LYRM1: variants seen among roughly 807,000 people sequenced by gnomAD.
The protein encoded by LYRM1 is LYR motif-containing protein 1.
Under a neutral mutation model 14.9 loss-of-function variants are expected in LYRM1, and 14 were observed. The observed-to-expected ratio is 0.94, with a 90% CI of 0.62 to 1.47. LYRM1 has a LOEUF of 1.47. Ranked by LOEUF, LYRM1 falls within the 40% of genes most tolerant of loss-of-function variation. The pLI is 0.00. For missense variants in LYRM1, 153 were observed against 149.9 expected (o/e 1.02, Z -0.11); for synonymous variants, 43 against 56.2 (o/e 0.77, Z 1.05).
At chr16:20,912,589 T>C (rs2082650648) in intron 1 of LYRM1, among the ~76,000 whole-genome samples, 1 of 152,102 alleles carries the variant, frequency 6.6e-6, no homozygotes, top group African/African-American at 2.4e-5. Context: ...ATAATTTTTT[T>C]TAAAAAGGAA....
chr16:20,918,177 A>T (rs1482416966), intron 2 of LYRM1, among the ~76,000 whole-genome samples: 1 of 152,170 alleles, frequency 6.6e-6, no homozygotes, highest in Non-Finnish European at 1.5e-5. Flanking sequence ...AGTTGAAGGC[A>T]CTGTCCAGCC....
At chr16:20,909,259 C>T (rs1328035389) in intron 1 of LYRM1, among the ~76,000 whole-genome samples, 4 of 152,130 alleles carry the variant, frequency 2.6e-5, no homozygotes, top group Admixed American at 6.5e-5. Context: ...TATAACAGGG[C>T]GTGATTTTTA....
chr16:20,923,975 T>C, intron 3 of LYRM1, 25 bp from the exon 4 acceptor site: 1 of 1,252,494 alleles, frequency 8.0e-7, no homozygotes, highest in Non-Finnish European at 1.2e-6. Flanking sequence ...TGAATATGAT[T>C]CTTCATATTA....
At chr16:20,905,542 G>T (rs1444727476) in intron 1 of LYRM1, among the ~76,000 whole-genome samples, 1 of 152,156 alleles carries the variant, frequency 6.6e-6, no homozygotes, top group Non-Finnish European at 1.5e-5. Flanking sequence ...CCAAATGATA[G>T]TTTTAAGTCA....
At chr16:20,902,289 T>A (rs759967627) in intron 1 of LYRM1, among the ~76,000 whole-genome samples, 1 of 152,236 alleles carries the variant, frequency 6.6e-6, no homozygotes, top group Non-Finnish European at 1.5e-5. Context: ...TCGAAAGTTC[T>A]CTTTTGAACA....
At chr16:20,912,623 T>C (rs932787447) in intron 1 of LYRM1, among the ~76,000 whole-genome samples, 1 of 151,940 alleles carries the variant, frequency 6.6e-6, no homozygotes, top group Admixed American at 6.6e-5. Context: ...ATCAGCAAAA[T>C]AGATAGTACA....
chr16:20,907,472 C>T (rs2082380850), intron 1 of LYRM1, among the ~76,000 whole-genome samples: 1 of 152,154 alleles, frequency 6.6e-6, no homozygotes, highest in African/African-American at 2.4e-5. Context: ...GGGATCCTCC[C>T]ACCTCAGCCT....
At chr16:20,902,280 C>G (rs906094909) in intron 1 of LYRM1, among the ~76,000 whole-genome samples, 1 of 152,100 alleles carries the variant, frequency 6.6e-6, no homozygotes. Context: ...AAAGGAATAT[C>G]GAAAGTTCTC....
At chr16:20,909,728 G>A (rs2082495048) in intron 1 of LYRM1, among the ~76,000 whole-genome samples, 1 of 152,060 alleles carries the variant, frequency 6.6e-6, no homozygotes, top group Admixed American at 6.6e-5. Flanking sequence ...AATATAAAAA[G>A]GAAAAGAGCT....
intron 1 of LYRM1, among the ~76,000 whole-genome samples, chr16:20,910,752 T>C (rs763842952): frequency 4.6e-5 from 7 of 151,786 alleles, no homozygotes; most frequent in Non-Finnish European, 1.0e-4. Context: ...CCAGCCTGGG[T>C]GACAGAGCGA....
Position 20,915,541 on chromosome 16 carries a change from T to C in LYRM1, c.1-15T>C. 1 of 1,609,942 alleles carries C rather than the reference T, an allele frequency of 6.2e-7. No individual in the cohort carries two copies. Among genetic ancestry groups the C allele is most frequent in the Non-Finnish European group, 8.5e-7 (1 of 1,177,526 alleles). ...TTATGCAAATTTTCCCTCTTCTATT[T>C]TGGTGGGTCTGAAGATGACAACGGC... On this transcript the variant is annotated splice_polypyrimidine_tract_variant and intron_variant, in intron 1 of 3. Coordinates refer to ENST00000567954, the MANE Select transcript of LYRM1 (RefSeq NM_001128302.3).
At chr16:20,910,090 G>C (rs1054073947) in intron 1 of LYRM1, among the ~76,000 whole-genome samples, 1 of 152,202 alleles carries the variant, frequency 6.6e-6, no homozygotes, top group Non-Finnish European at 1.5e-5. Flanking sequence ...CGGCAGGATG[G>C]ATAGGGTTGG....
chr16:20,911,999 A>G (rs970984425), intron 1 of LYRM1, among the ~76,000 whole-genome samples: 3 of 150,136 alleles, frequency 2.0e-5, no homozygotes, highest in African/African-American at 7.4e-5. Flanking sequence ...CTTGGCTTGT[A>G]GTGCAATCTC....
intron 3 of LYRM1, chr16:20,921,568 T>G (rs1486628373): frequency 2.6e-5 from 4 of 151,628 alleles, no homozygotes; most frequent in African/African-American, 9.7e-5. Context: ...CCCAGCTAAT[T>G]TTTTGTATTT....
At chr16:20,906,655 C>A (rs2082335199) in intron 1 of LYRM1, among the ~76,000 whole-genome samples, 1 of 152,162 alleles carries the variant, frequency 6.6e-6, no homozygotes, top group Non-Finnish European at 1.5e-5. Flanking sequence ...TTGGACATTC[C>A]TGAGACCAGA....
At chr16:20,920,419 A>G (rs1194259251) in intron 3 of LYRM1, 2 of 534,250 alleles carry the variant, frequency 3.7e-6, no homozygotes, top group Non-Finnish European at 6.7e-6. Context: ...TCCTGCTTAC[A>G]TAGCTTTCCA....
rs542249994 is a variant in LYRM1, at chr16:20,919,103, CT to C, written c.160-1014del. Among the ~76,000 whole-genome samples the C allele has an allele frequency of 4.5e-3, 687 of 152,292 alleles. 5 individuals are homozygous for C. Among genetic ancestry groups the C allele is most frequent in the African/African-American group, 0.016 (658 of 41,554 alleles). On this transcript the variant is annotated intron_variant, in intron 2 of 3. Transcript: ENST00000567954. ...TACCTCATAATGAAAGAGTTTCTCC[CT>C]TTTTCCTACTTGGCTGTTTTTCAGA...
At chr16:20,914,762 T>C (rs1202091415) in intron 1 of LYRM1, among the ~76,000 whole-genome samples, 1 of 152,184 alleles carries the variant, frequency 6.6e-6, no homozygotes, top group Non-Finnish European at 1.5e-5. Flanking sequence ...ACTGTTCCCT[T>C]TCAAGGGGGC....
At chr16:20,911,499 G>C (rs975100221) in intron 1 of LYRM1, among the ~76,000 whole-genome samples, 3 of 152,124 alleles carry the variant, frequency 2.0e-5, no homozygotes, top group Non-Finnish European at 4.4e-5. Context: ...CTTACTTCCC[G>C]ATCCTGATGA....
Sources: gnomAD v4.1 joint callset for allele counts (sites outside exome capture counted in the v4.1 genomes callset) on GRCh38, gnomAD v4.1.1 for gene constraint, MANE v1.5 for transcripts, NCBI Gene and HGNC (gene_info 2026-07-23, HGNC 2026-07-21) for gene names.